Variants in DCAKD observed in about 807,000 individuals in gnomAD.
DCAKD encodes the protein dephospho-CoA kinase domain containing.
A neutral mutation model predicts 18.7 loss-of-function variants in DCAKD; 15 were observed. The ratio of observed to expected loss-of-function variants is 0.80; its 90% CI spans 0.54 to 1.24. The LOEUF is 1.24. Ranked by LOEUF, DCAKD falls within the 50% of genes most tolerant of loss-of-function variation. The pLI is 0.00. For missense variants in DCAKD, 301 were observed against 322.0 expected, an observed-to-expected ratio of 0.93 and a Z score of 0.50; for synonymous variants, 130 against 133.0, an observed-to-expected ratio of 0.98 and a Z score of 0.16.
intron 1 of DCAKD, among the ~76,000 whole-genome samples, chr17:45,057,702 CAA>C (rs778179170): frequency 1.0e-4 from 8 of 76,836 alleles, no homozygotes; most frequent in Admixed American, 1.5e-4. Flanking sequence ...GACTCCATCT[CAA>C]AAAAAAAAAA....
rs2053010268 is a variant in DCAKD at position 45,024,436 on chromosome 17, G to A, written c.693C>T (p.Ala231=). ...YLLTHYLLPY[A] Reference sequence around the variant, plus strand: ...GCTCCCTGCCTTGAGTGCCCCACTAGGCGTAAGGCAGAAGGTAGTGGGTGA... The same window carrying A: ...GCTCCCTGCCTTGAGTGCCCCACTAAGCGTAAGGCAGAAGGTAGTGGGTGA... The change falls in exon 5 of 5, where the codon GCC becomes GCT. Residue 231 remains alanine (A), a synonymous_variant. Transcript: ENST00000651974. 1 of 1,597,226 alleles carries A rather than the reference G, an allele frequency of 6.3e-7. No homozygotes were observed. Among genetic ancestry groups the A allele is most frequent in the East Asian group, 2.3e-5 (1 of 44,436 alleles).
chr17:45,027,332 A>C (rs1190588681), intron 4 of DCAKD, among the ~76,000 whole-genome samples: 1 of 152,250 alleles, frequency 6.6e-6, no homozygotes, highest in Non-Finnish European at 1.5e-5. Context: ...GTCTCAAAAA[A>C]AAGAAACCAG....
At chr17:45,026,863 T>G in intron 4 of DCAKD, 1 of 979,196 alleles carries the variant, frequency 1.0e-6, no homozygotes, top group Non-Finnish European at 1.2e-6. Context: ...GGCCTGGGGC[T>G]CCCAGTAGGT....
chr17:45,033,567 C>A (rs994025205), intron 3 of DCAKD, among the ~76,000 whole-genome samples: 1 of 152,090 alleles, frequency 6.6e-6, no homozygotes, highest in Non-Finnish European at 1.5e-5. Context: ...CAGGTTAAAG[C>A]GATTCTCCCG....
At chr17:45,035,385 G>A (rs2053271613) in intron 1 of DCAKD, among the ~76,000 whole-genome samples, 1 of 151,456 alleles carries the variant, frequency 6.6e-6, no homozygotes, top group East Asian at 1.9e-4. Flanking sequence ...GAAGGCTGTG[G>A]CAGGAGGATC....
chr17:45,039,639 A>G (rs1279237965), intron 1 of DCAKD, among the ~76,000 whole-genome samples: 1 of 152,132 alleles, frequency 6.6e-6, no homozygotes, highest in Non-Finnish European at 1.5e-5. Context: ...AGGACTCCAT[A>G]CAAGAAACAG....
chr17:45,048,803 C>CT (rs1379931230), intron 1 of DCAKD, among the ~76,000 whole-genome samples: 1 of 148,504 alleles, frequency 6.7e-6, no homozygotes, highest in Non-Finnish European at 1.5e-5. Context: ...GAGACAGACT[C>CT]TGTCTCAAAA....
chr17:45,025,487 C>T (rs531494222), intron 4 of DCAKD, among the ~76,000 whole-genome samples: 3 of 152,248 alleles, frequency 2.0e-5, no homozygotes, highest in East Asian at 3.9e-4. Context: ...ACCTCCTTCA[C>T]CCACCCTGAG....
intron 4 of DCAKD, 109 bp downstream of exon 4, chr17:45,029,983 A>ATGCC: frequency 2.1e-6 from 2 of 974,780 alleles, no homozygotes; most frequent in South Asian, 2.7e-5. Context: ...CCAAACCCCC[A>ATGCC]TGCCTCTTGG....
intron 4 of DCAKD, chr17:45,026,638 A>T: frequency 1.0e-6 from 1 of 985,330 alleles, no homozygotes; most frequent in Non-Finnish European, 1.2e-6. Context: ...CTTCTTAGGG[A>T]TTCTGGGAAG....
chr17:45,024,572 T>G lies in DCAKD; in HGVS notation c.557A>C (p.Lys186Thr). ...AGTGTGCAAGAGGATGACCTGGCGT[T>G]TGGTGACACTCCACTCGCCCGAGTT... ...LDNSGEWSVT[K>T]RQVILLHTEL... Residue 186 changes from lysine to threonine, a missense_variant, in exon 5 of 5, where the codon AAA (lysine) becomes ACA (threonine). Transcript: ENST00000651974. 6.2e-7 allele frequency: 1 copy of G among 1,614,080 alleles called. No individual in the cohort carries two copies. The highest frequency in any genetic ancestry group is 8.5e-7 in the Non-Finnish European group (1 of 1,179,986).
chr17:45,044,646 T>C (rs2053521519), intron 1 of DCAKD, among the ~76,000 whole-genome samples: 2 of 152,048 alleles, frequency 1.3e-5, no homozygotes, highest in South Asian at 4.2e-4. Flanking sequence ...GAGCCGAGAT[T>C]GTGCCATTGC....
intron 4 of DCAKD, among the ~76,000 whole-genome samples, chr17:45,025,791 G>A (rs1419122380): frequency 7.7e-6 from 1 of 130,468 alleles, no homozygotes; most frequent in Non-Finnish European, 1.6e-5. Context: ...TCACTCTGTC[G>A]CCCAGGCTGG....
In DCAKD at chr17:45,051,394, A is replaced by C. The variant is rs926998935; in HGVS notation, c.-148T>G. On this transcript the variant is annotated 5_prime_UTR_variant, in exon 1 of 5. The change abolishes an upstream ATG in the 5' untranslated region. Coordinates refer to ENST00000651974, the MANE Select transcript of DCAKD (RefSeq NM_001288655.2). ...TGGCCGCATACGACGCGCTCAATAC[A>C]TCGTAACTCAGGCTTTCAAAAGAGG... The C allele has an allele frequency of 2.0e-5, 3 of 152,054 alleles. No individual in the cohort carries two copies. Among genetic ancestry groups the C allele is most frequent in the African/African-American group, 7.2e-5 (3 of 41,418 alleles). The allele number at this position is 152,054 out of a possible 1,614,324, so 9.4% of individuals were successfully genotyped here.
chr17:45,046,638 A>G (rs995161683), intron 1 of DCAKD, among the ~76,000 whole-genome samples: 1 of 150,306 alleles, frequency 6.7e-6, no homozygotes, highest in African/African-American at 2.4e-5. Context: ...AAAAAAAAAA[A>G]GCAGCTCTAT....
At chr17:45,043,888 C>T (rs911258142) in intron 1 of DCAKD, among the ~76,000 whole-genome samples, 3 of 152,044 alleles carry the variant, frequency 2.0e-5, no homozygotes, top group African/African-American at 4.8e-5. Flanking sequence ...CCATCCAACC[C>T]GCAGTGCCCG....
chr17:45,034,436 C>A, intron 2 of DCAKD, 46 bp from the exon 3 acceptor site: 1 of 1,602,754 alleles, frequency 6.2e-7, no homozygotes, highest in Non-Finnish European at 8.5e-7. Context: ...AGCCTCAGGG[C>A]CAGTCAGAGG....
At chr17:45,028,184 C>T (rs2053097430) in intron 4 of DCAKD, among the ~76,000 whole-genome samples, 1 of 148,290 alleles carries the variant, frequency 6.7e-6, no homozygotes, top group South Asian at 2.2e-4. Flanking sequence ...TCTCAGCTCA[C>T]TCCAAGCTCC....
intron 1 of DCAKD, 168 bp from the exon 2 acceptor site, chr17:45,035,167 A>G: frequency 2.7e-6 from 1 of 372,258 alleles, no homozygotes; most frequent in East Asian, 6.0e-5. Context: ...GGCCTCCAGT[A>G]TTTTAAAAAC....
Sources: gnomAD v4.1 joint callset for allele counts (sites outside exome capture counted in the v4.1 genomes callset) on GRCh38, gnomAD v4.1.1 for gene constraint, MANE v1.5 for transcripts, NCBI Gene and HGNC (gene_info 2026-07-23, HGNC 2026-07-21) for gene names.